The following GPHN variants were observed in gnomAD, a reference collection of about 807,000 sequenced individuals.
GPHN encodes the protein gephyrin.
A neutral mutation model predicts 95.5 loss-of-function variants in GPHN; 17 were observed. The observed-to-expected ratio is 0.18, with a 90% CI of 0.12 to 0.27. GPHN has a LOEUF of 0.27. Among genes scored for constraint, GPHN ranks in the 10% least tolerant of loss-of-function variants. GPHN has a pLI of 1.00. For synonymous variants in GPHN, 320 were observed against 322.5 expected (o/e 0.99, Z 0.08); for missense variants, 660 against 978.1 (o/e 0.67, Z 4.34).
intron 1 of GPHN, among the ~76,000 whole-genome samples, chr14:66,639,485 C>G (rs1392805051): frequency 3.9e-5 from 6 of 152,130 alleles, no homozygotes; most frequent in Non-Finnish European, 8.8e-5. Flanking sequence ...AATACATATA[C>G]ATTCAAAACC....
At chr14:67,192,389 C>G in the GPHN span, among the ~76,000 whole-genome samples, 1 of 151,882 alleles carries the variant, frequency 6.6e-6, no homozygotes, top group Non-Finnish European at 1.5e-5. Context: ...TTTTATTTCC[C>G]TACCTAACAC....
chr14:66,583,425 A>C (rs998961228), intron 1 of GPHN, among the ~76,000 whole-genome samples: 1 of 151,986 alleles, frequency 6.6e-6, no homozygotes, highest in African/African-American at 2.4e-5. Context: ...TTTTGTTGCC[A>C]TTGCTTTTGG....
intron 10 of GPHN, among the ~76,000 whole-genome samples, chr14:67,038,825 A>C (rs905928503): frequency 6.6e-6 from 1 of 152,006 alleles, no homozygotes; most frequent in African/African-American, 2.4e-5. Flanking sequence ...CACTTACTCT[A>C]ATAACTAAAT....
chr14:67,053,171 G>GC (rs201650693), intron 10 of GPHN, among the ~76,000 whole-genome samples: 1 of 118,606 alleles, frequency 8.4e-6, no homozygotes, highest in African/African-American at 4.3e-5. Context: ...CTAGGAGCTG[G>GC]TTTGTTTTTT....
chr14:67,306,064 G>C, the GPHN span, among the ~76,000 whole-genome samples: 2 of 152,150 alleles, frequency 1.3e-5, no homozygotes, highest in Admixed American at 6.5e-5. Context: ...CCGCCTCCCA[G>C]AGTCAAGCAG....
At chr14:67,369,206 TTAAGGAGACAGTGTC>T in the GPHN span, among the ~76,000 whole-genome samples, 1 of 152,188 alleles carries the variant, frequency 6.6e-6, no homozygotes, top group African/African-American at 2.4e-5. Context: ...AGACAATACC[TTAAGGAGACAGTGTC>T]TATTAATATT....
At chr14:67,539,425 G>C in the GPHN span, among the ~76,000 whole-genome samples, 1 of 152,150 alleles carries the variant, frequency 6.6e-6, no homozygotes, top group East Asian at 1.9e-4. Context: ...ACCAAGAAGC[G>C]AGCTTACTCG....
At chr14:67,048,425 T>C (rs2075141252) in intron 10 of GPHN, among the ~76,000 whole-genome samples, 1 of 152,238 alleles carries the variant, frequency 6.6e-6, no homozygotes, top group Non-Finnish European at 1.5e-5. Context: ...TATGGAACTG[T>C]AGGCTCATTA....
intron 1 of GPHN, among the ~76,000 whole-genome samples, chr14:66,556,191 A>G (rs1416882476): frequency 2.0e-5 from 3 of 152,170 alleles, no homozygotes; most frequent in South Asian, 2.1e-4. Flanking sequence ...TCATTGACCA[A>G]TATGTCATTA....
At chr14:67,566,448 T>G in the GPHN span, among the ~76,000 whole-genome samples, 2 of 151,966 alleles carry the variant, frequency 1.3e-5, no homozygotes, top group Admixed American at 1.3e-4. Flanking sequence ...TGTGATAGCT[T>G]AAGAGTAGGT....
chr14:67,466,942 C>T, the GPHN span, among the ~76,000 whole-genome samples: 310 of 148,758 alleles, frequency 2.1e-3, 1 homozygote, highest in Middle Eastern at 0.01. Flanking sequence ...TTGCAGTGAG[C>T]CGAGATCGCG....
chr14:66,789,775 A>T (rs1021889594), intron 3 of GPHN, among the ~76,000 whole-genome samples: 4 of 152,210 alleles, frequency 2.6e-5, no homozygotes, highest in South Asian at 2.1e-4. Flanking sequence ...TGGGGACATC[A>T]TCATACCTTC....
chr14:66,947,035 A>G (rs757704114), intron 8 of GPHN, among the ~76,000 whole-genome samples: 2 of 152,192 alleles, frequency 1.3e-5, no homozygotes, highest in East Asian at 1.9e-4. Context: ...GAACCCTTCA[A>G]TGGATTCTTA....
intron 2 of GPHN, among the ~76,000 whole-genome samples, chr14:66,764,837 A>C (rs1318277795): frequency 6.6e-6 from 1 of 152,122 alleles, no homozygotes; most frequent in Non-Finnish European, 1.5e-5. Flanking sequence ...AAATATAATA[A>C]AAATTAAAGA....
chr14:67,395,324 C>T, the GPHN span: 7 of 1,326,198 alleles, frequency 5.3e-6, no homozygotes, highest in Admixed American at 3.7e-5. Context: ...CACAGAGCCC[C>T]CCCAAGGGGC....
At chr14:66,549,053 A>G (rs1477740597) in intron 1 of GPHN, among the ~76,000 whole-genome samples, 1 of 152,154 alleles carries the variant, frequency 6.6e-6, no homozygotes, top group Non-Finnish European at 1.5e-5. Flanking sequence ...AGGATAATGT[A>G]TCTAAATATA....
At chr14:67,198,437 A>G in the GPHN span, 1 of 929,660 alleles carries the variant, frequency 1.1e-6, no homozygotes, top group Non-Finnish European at 1.6e-6. Context: ...GTGTGATACT[A>G]CAAAAGAGAA....
At chr14:67,664,205 C>G in the GPHN span, among the ~76,000 whole-genome samples, 2 of 152,176 alleles carry the variant, frequency 1.3e-5, no homozygotes, top group Admixed American at 6.5e-5. Flanking sequence ...TAGGTACATT[C>G]ACACCGTTGT....
intron 5 of GPHN, among the ~76,000 whole-genome samples, chr14:66,894,694 G>A (rs755260321): frequency 7.0e-4 from 106 of 152,224 alleles, no homozygotes; most frequent in African/African-American, 1.1e-3. Context: ...ACAAGTGGGC[G>A]AAGGATATGA....
Sources: gnomAD v4.1 joint callset for allele counts (sites outside exome capture counted in the v4.1 genomes callset) on GRCh38, gnomAD v4.1.1 for gene constraint, MANE v1.5 for transcripts, NCBI Gene and HGNC (gene_info 2026-07-23, HGNC 2026-07-21) for gene names.